PASD1: variants seen among roughly 807,000 people sequenced by gnomAD.
PASD1 encodes PAS domain containing repressor 1.
In PASD1, 13 loss-of-function variants were observed where a neutral mutation model predicts 58.8. That is an observed-to-expected ratio of 0.22 (90% confidence interval 0.14 to 0.35). The LOEUF (loss-of-function observed/expected upper bound fraction) is 0.35. Ranked by LOEUF, PASD1 falls within the 10% of genes least tolerant of loss-of-function variation. The pLI, the probability that PASD1 is intolerant of heterozygous loss-of-function variation, is 1.00. For missense variants in PASD1, 734 were observed against 568.3 expected (o/e 1.29, Z -2.96); for synonymous variants, 236 against 216.7 (o/e 1.09, Z -0.78).
rs868089742 is a variant in PASD1 at position 151,676,033 on chromosome X, G to A, written c.2212G>A (p.Asp738Asn). 8.3e-7 allele frequency: 1 copy of A among 1,211,411 alleles called. No individual in the cohort carries two copies. The highest frequency in any genetic ancestry group is 1.8e-5 in the South Asian group (1 of 56,965). ...VSEVGVEGPP[D>N]PQAFQGPAAY... ...TGAGGTAGGAGTCGAGGGACCTCCT[G>A]ATCCACAGGCTTTCCAAGGCCCTGC... is the stretch of plus-strand genomic sequence containing the variant. Residue 738 changes from aspartate to asparagine, a missense_variant, in exon 16 of 16, where the codon GAT becomes AAT. Physicochemically the swap from Asp to Asn is conservative, Grantham distance 23. Transcript: ENST00000370357.
chrX:151,633,159 C>T (rs970335253), intron 8 of PASD1, among the ~76,000 whole-genome samples: 1 of 110,876 alleles, frequency 9.0e-6, no homozygotes, highest in African/African-American at 3.3e-5. Context: ...TTTGAAACCT[C>T]CATACTGAGA....
At position 151,672,580 on chromosome X, in the gene PASD1, C is replaced by T. The variant is rs751315213; in HGVS notation, c.1835C>T (p.Pro612Leu). 14 of 1,210,600 alleles carry T rather than the reference C, an allele frequency of 1.2e-5. No individual in the cohort carries two copies. The highest frequency in any genetic ancestry group is 2.2e-5 in the Admixed American group (1 of 45,872). Residue 612 changes from proline to leucine, a missense_variant, in exon 14 of 16, where the codon CCT (proline) becomes CTT (leucine). By Grantham distance (98) the Pro-to-Leu change is moderately conservative. Transcript: ENST00000370357. ...TTTTTACAGGCCCAACCCATTGTTC[C>T]TGTCCAGAGAGCAGCTGAACAACAG... ...VRFLQAQPIV[P>L]VQRAAEQQPS...
chrX:151,603,384 G>T (rs975431837), intron 2 of PASD1, among the ~76,000 whole-genome samples: 1 of 112,284 alleles, frequency 8.9e-6, no homozygotes, highest in Non-Finnish European at 1.9e-5. Context: ...AAGTTCATGG[G>T]TAATAGTAAA....
chrX:151,651,720 T>C (rs1240536344), intron 9 of PASD1, among the ~76,000 whole-genome samples: 1 of 112,416 alleles, frequency 8.9e-6, no homozygotes, highest in Non-Finnish European at 1.9e-5. Flanking sequence ...AACTAAACTG[T>C]ATTAAGAGCT....
rs760827177 is a variant in PASD1 at position 151,671,597 on chromosome X, G to T, written c.1255G>T (p.Val419Phe). The change falls in exon 13 of 16, where the codon GTT (valine) becomes TTT (phenylalanine). Residue 419 changes from valine to phenylalanine, a missense_variant. Physicochemically the swap from Val to Phe is conservative, Grantham distance 50. Transcript: ENST00000370357. ...LQKQPNTLRH[V>F]VIPDLQSSEA... ...GAAGCAGCCAAACACATTACGCCAC[G>T]TTGTCATTCCTGATCTCCAATCTTC... 3 of 1,211,209 alleles carry T rather than the reference G, an allele frequency of 2.5e-6. No individual in the cohort carries two copies. The highest frequency in any genetic ancestry group is 3.4e-6 in the Non-Finnish European group (3 of 895,448).
intron 8 of PASD1, among the ~76,000 whole-genome samples, chrX:151,635,416 G>T (rs1018388802): frequency 4.5e-5 from 5 of 111,857 alleles, no homozygotes; most frequent in Non-Finnish European, 9.4e-5. Flanking sequence ...CTATATGTAT[G>T]TGTACCTTTG....
In PASD1 at chrX:151,604,692, A is replaced by G; in HGVS notation, c.75A>G (p.Pro25=). 8.3e-7 allele frequency: 1 copy of G among 1,209,346 alleles called. No homozygotes were observed. Among genetic ancestry groups the G allele is most frequent in the Non-Finnish European group, 1.1e-6 (1 of 893,809 alleles). Reference sequence around the variant, plus strand: ...CTCAAAGGAAATTAAACTGGATTCCATCATTTCCTACCTATGATTACTTCA... The same window carrying G: ...CTCAAAGGAAATTAAACTGGATTCCGTCATTTCCTACCTATGATTACTTCA... The part of the protein sequence containing the change: ...KSSQRKLNWI[P]SFPTYDYFNQ... The change falls in exon 3 of 16, where the codon CCA becomes CCG. Residue 25 remains proline, a synonymous_variant. Transcript: ENST00000370357.
At chrX:151,594,252 C>T (rs1023431138) in intron 1 of PASD1, among the ~76,000 whole-genome samples, 7 of 111,624 alleles carry the variant, frequency 6.3e-5, no homozygotes, top group Admixed American at 3.8e-4. Flanking sequence ...GGATTACAGG[C>T]GTGAGCCACC....
rs761912151 is a variant in PASD1 at position 151,676,272 on chromosome X, T to G, written c.*129T>G. ...AGGGTTTAGTGGGTAGAGACTTATT[T>G]GTTTCCTGATAGGTTATGTTTGTAA... is the stretch of plus-strand genomic sequence containing the variant. On this transcript the variant is annotated 3_prime_UTR_variant, in exon 16 of 16. Coordinates refer to ENST00000370357, the MANE Select transcript of PASD1 (RefSeq NM_173493.3). 2 of 659,115 alleles carry G rather than the reference T, an allele frequency of 3.0e-6. No homozygotes were observed. The highest frequency in any genetic ancestry group is 4.5e-6 in the Non-Finnish European group (2 of 449,431). The allele number at this position is 659,115 out of a possible 1,213,427, so 54.3% of individuals were successfully genotyped here.
intron 8 of PASD1, chrX:151,641,255 G>A (rs1459409689): frequency 9.0e-6 from 1 of 111,008 alleles, no homozygotes; most frequent in South Asian, 3.8e-4. Flanking sequence ...GCCCTTTAGA[G>A]AGTGCTGATT....
intron 10 of PASD1, among the ~76,000 whole-genome samples, chrX:151,662,597 C>T (rs2014325344): frequency 9.0e-6 from 1 of 110,922 alleles, no homozygotes; most frequent in Non-Finnish European, 1.9e-5. Flanking sequence ...CCATATACAA[C>T]CATCTGTATT....
At chrX:151,589,644 T>G (rs753646336) in intron 1 of PASD1, among the ~76,000 whole-genome samples, 73 of 111,714 alleles carry the variant, frequency 6.5e-4, no homozygotes, top group Admixed American at 1.3e-3. Flanking sequence ...GGACCAAAGG[T>G]CACACATCTA....
At chrX:151,668,624 C>G (rs2014418025) in intron 11 of PASD1, among the ~76,000 whole-genome samples, 1 of 111,133 alleles carries the variant, frequency 9.0e-6, no homozygotes, top group Non-Finnish European at 1.9e-5. Flanking sequence ...TGGATAAATT[C>G]CTCAACACAT....
At chrX:151,604,756 G>A in intron 3 of PASD1, 22 bp downstream of exon 3, 1 of 1,102,372 alleles carries the variant, frequency 9.1e-7, no homozygotes, top group Non-Finnish European at 1.3e-6. Flanking sequence ...TTTGTTCTTT[G>A]ATTACTTCAT....
intron 1 of PASD1, among the ~76,000 whole-genome samples, chrX:151,568,583 A>G (rs1463282311): frequency 8.9e-6 from 1 of 112,310 alleles, no homozygotes; most frequent in Non-Finnish European, 1.9e-5. Flanking sequence ...ATATTTAACC[A>G]TAATGTATGT....
intron 4 of PASD1, among the ~76,000 whole-genome samples, chrX:151,619,096 G>A (rs1277766810): frequency 1.8e-5 from 2 of 111,069 alleles, no homozygotes; most frequent in Non-Finnish European, 3.8e-5. Flanking sequence ...TACGGCTACT[G>A]CAGTAATCCA....
At chrX:151,600,476 A>G (rs756629836) in intron 1 of PASD1, among the ~76,000 whole-genome samples, 5 of 111,306 alleles carry the variant, frequency 4.5e-5, no homozygotes, top group Non-Finnish European at 9.4e-5. Context: ...TGGAACCCCA[A>G]GGTTGATTCA....
At chrX:151,593,999 A>T (rs1024448038) in intron 1 of PASD1, among the ~76,000 whole-genome samples, 3 of 111,641 alleles carry the variant, frequency 2.7e-5, no homozygotes, top group Non-Finnish European at 5.6e-5. Flanking sequence ...TTTGAGACGG[A>T]GTCTCACTCT....
intron 4 of PASD1, among the ~76,000 whole-genome samples, chrX:151,614,204 C>T (rs1472644145): frequency 8.1e-5 from 9 of 110,863 alleles, no homozygotes; most frequent in Non-Finnish European, 3.8e-5. Context: ...AAGCTGGTCT[C>T]GAACTCCTGA....
Sources: allele counts gnomAD v4.1 joint callset (sites outside exome capture counted in the v4.1 genomes callset), GRCh38; gene constraint gnomAD v4.1.1; transcripts MANE v1.5; gene names NCBI Gene and HGNC (gene_info 2026-07-23, HGNC 2026-07-21).